DENND5B: variants seen among roughly 807,000 people sequenced by gnomAD.
The protein encoded by DENND5B is DENN domain containing 5B.
DENND5B carries 34 observed loss-of-function variants against 140.6 expected under a neutral mutation model. That is an observed-to-expected ratio of 0.24 (90% CI 0.18 to 0.32). DENND5B has a LOEUF of 0.32. Among genes scored for constraint, DENND5B ranks in the 10% least tolerant of loss-of-function variants. The probability of loss-of-function intolerance (pLI) is 1.00; values close to 1 mark genes in which losing one functional copy is unlikely to be tolerated. For missense variants in DENND5B, 1,142 were observed against 1,560.2 expected, an observed-to-expected ratio of 0.73 and a Z score of 4.52; for synonymous variants, 551 against 562.1, an observed-to-expected ratio of 0.98 and a Z score of 0.28.
chr12:31,545,765 G>A (rs765980431), intron 1 of DENND5B, among the ~76,000 whole-genome samples: 5 of 151,808 alleles, frequency 3.3e-5, no homozygotes, highest in Non-Finnish European at 7.4e-5. Context: ...ACCAGCCTGG[G>A]CAACACAGTG....
chr12:31,397,019 G>A (rs1012451356), intron 17 of DENND5B, among the ~76,000 whole-genome samples: 2 of 152,036 alleles, frequency 1.3e-5, no homozygotes, highest in African/African-American at 2.4e-5. Flanking sequence ...AGATTCTAGA[G>A]GTTAGAATTT....
At chr12:31,554,962 A>AT (rs1255115521) in intron 1 of DENND5B, among the ~76,000 whole-genome samples, 1 of 151,162 alleles carries the variant, frequency 6.6e-6, no homozygotes, top group East Asian at 1.9e-4. Flanking sequence ...CATTCATCTA[A>AT]TTTTTTTTCA....
intron 1 of DENND5B, chr12:31,541,116 C>G (rs1195525534): frequency 2.4e-6 from 1 of 415,552 alleles, no homozygotes; most frequent in African/African-American, 2.1e-5. Flanking sequence ...TAAAAGAAAA[C>G]ATTGGGGAAC....
chr12:31,430,560 A>G (rs1377040177), intron 8 of DENND5B, among the ~76,000 whole-genome samples: 1 of 150,132 alleles, frequency 6.7e-6, no homozygotes, highest in Non-Finnish European at 1.5e-5. Context: ...AGTCCCAGCT[A>G]CTTGGGAGGC....
chr12:31,507,973 T>A (rs555937213), intron 1 of DENND5B, among the ~76,000 whole-genome samples: 4 of 152,320 alleles, frequency 2.6e-5, no homozygotes. Flanking sequence ...TTATCCAATG[T>A]ATTTCTGGGA....
intron 1 of DENND5B, among the ~76,000 whole-genome samples, chr12:31,589,522 G>A (rs1403235983): frequency 6.6e-6 from 1 of 152,102 alleles, no homozygotes; most frequent in Admixed American, 6.5e-5. Context: ...GACGTGGGTT[G>A]ATGGGGACTG....
chr12:31,525,559 T>C (rs1948056995), intron 1 of DENND5B, among the ~76,000 whole-genome samples: 1 of 152,230 alleles, frequency 6.6e-6, no homozygotes, highest in Non-Finnish European at 1.5e-5. Context: ...GTTTCTTTTG[T>C]GGCTGATGAA....
chr12:31,571,680 C>A (rs1410653614), intron 1 of DENND5B, among the ~76,000 whole-genome samples: 1 of 152,004 alleles, frequency 6.6e-6, no homozygotes, highest in African/African-American at 2.4e-5. Context: ...TGCCATGGCA[C>A]GTTCTCGGCT....
At chr12:31,494,190 ATCCAT>A (rs1946662416) in intron 2 of DENND5B, among the ~76,000 whole-genome samples, 2 of 44,634 alleles carry the variant, frequency 4.5e-5, no homozygotes, top group African/African-American at 6.2e-5. Flanking sequence ...CTATCCATCC[ATCCAT>A]CCATCCACCT....
intron 15 of DENND5B, among the ~76,000 whole-genome samples, chr12:31,401,137 C>A (rs549671643): frequency 1.3e-5 from 2 of 152,280 alleles, no homozygotes; most frequent in East Asian, 3.9e-4. Flanking sequence ...GCCACTGGCC[C>A]GGCCAGAGCT....
chr12:31,477,177 A>T (rs1945855280), intron 3 of DENND5B, among the ~76,000 whole-genome samples: 1 of 151,878 alleles, frequency 6.6e-6, no homozygotes, highest in South Asian at 2.1e-4. Flanking sequence ...GCAGTGAGCC[A>T]AGATCATGCC....
At chr12:31,498,112 G>A (rs894676038) in intron 1 of DENND5B, among the ~76,000 whole-genome samples, 2 of 152,122 alleles carry the variant, frequency 1.3e-5, no homozygotes, top group Non-Finnish European at 2.9e-5. Context: ...CAGCAACAGC[G>A]TAACTTCATG....
chr12:31,574,267 AAATAATAAT>A (rs60548839), intron 1 of DENND5B, among the ~76,000 whole-genome samples: 3 of 89,700 alleles, frequency 3.3e-5, no homozygotes, highest in Admixed American at 1.6e-4. Context: ...TGTCTCTAAA[AAATAATAAT>A]AATAATAATA....
intron 10 of DENND5B, 30 bp downstream of exon 10, chr12:31,424,505 C>T: frequency 6.3e-7 from 1 of 1,587,858 alleles, no homozygotes. Context: ...CTTAACTGGC[C>T]ATGTCACCAG....
At chr12:31,422,006 C>T (rs779200194) in intron 11 of DENND5B, among the ~76,000 whole-genome samples, 13 of 152,146 alleles carry the variant, frequency 8.5e-5, no homozygotes, top group Admixed American at 2.6e-4. Context: ...ATGTAGTCAG[C>T]TTATATTCCT....
At chr12:31,392,758 G>GAC in intron 17 of DENND5B, 62 bp from the exon 18 acceptor site, 1 of 1,427,820 alleles carries the variant, frequency 7.0e-7, no homozygotes, top group South Asian at 1.3e-5. Flanking sequence ...AGTACTATGG[G>GAC]ACATCAACTG....
chr12:31,553,425 A>G (rs1388721136), intron 1 of DENND5B, among the ~76,000 whole-genome samples: 2 of 152,166 alleles, frequency 1.3e-5, no homozygotes, highest in Non-Finnish European at 2.9e-5. Context: ...GTGGTCTGAG[A>G]GACAGTTTGT....
intron 3 of DENND5B, among the ~76,000 whole-genome samples, chr12:31,475,299 C>G (rs1472953899): frequency 6.6e-6 from 1 of 152,006 alleles, no homozygotes; most frequent in African/African-American, 2.4e-5. Context: ...AAAAATCTAG[C>G]TCTATAATCT....
At chr12:31,418,221 G>A (rs1942848886) in intron 11 of DENND5B, among the ~76,000 whole-genome samples, 1 of 151,380 alleles carries the variant, frequency 6.6e-6, no homozygotes, top group African/African-American at 2.4e-5. Context: ...TGAAGAAATT[G>A]TTCCAGACTT....
Sources: allele counts gnomAD v4.1 joint callset (sites outside exome capture counted in the v4.1 genomes callset), GRCh38; gene constraint gnomAD v4.1.1; transcripts MANE v1.5; gene names NCBI Gene and HGNC (gene_info 2026-07-23, HGNC 2026-07-21).